The following KATNIP variants were observed in gnomAD, a reference collection of about 807,000 sequenced individuals.
KATNIP encodes katanin interacting protein.
KATNIP carries 126 observed loss-of-function variants against 174.0 expected under a neutral mutation model. The observed-to-expected ratio is 0.72, with a 90% CI of 0.63 to 0.84. The LOEUF is 0.84. Among genes scored for constraint, KATNIP ranks in the 40% least tolerant of loss-of-function variants. KATNIP has a pLI of 0.00. For synonymous variants in KATNIP, 810 were observed against 835.7 expected (o/e 0.97, Z 0.53); for missense variants, 1,958 against 2,109.7 (o/e 0.93, Z 1.41).
intron 1 of KATNIP, among the ~76,000 whole-genome samples, chr16:27,552,833 T>C (rs1459704580): frequency 6.6e-6 from 1 of 152,092 alleles, no homozygotes; most frequent in Non-Finnish European, 1.5e-5. Context: ...TAGCTGGGAT[T>C]ACAGGCATGT....
chr16:27,751,975 CCCTAA>C, intron 17 of KATNIP, 51 bp downstream of exon 17: 1 of 1,470,620 alleles, frequency 6.8e-7, no homozygotes, highest in Non-Finnish European at 9.2e-7. Context: ...AGGTTTCTTC[CCCTAA>C]CTCAGAGTAG....
At chr16:27,775,816 C>T (rs577368909) in intron 24 of KATNIP, among the ~76,000 whole-genome samples, 152 of 152,234 alleles carry the variant, frequency 1.0e-3, no homozygotes, top group Admixed American at 1.9e-3. Context: ...AGTGGGGGAT[C>T]GGGGGCACCT....
At chr16:27,627,536 T>C (rs187046584) in intron 3 of KATNIP, among the ~76,000 whole-genome samples, 27 of 152,314 alleles carry the variant, frequency 1.8e-4, no homozygotes, top group African/African-American at 6.5e-4. Flanking sequence ...GAACAAAGAC[T>C]CACAGGCACC....
intron 5 of KATNIP, among the ~76,000 whole-genome samples, chr16:27,643,555 C>T (rs947839741): frequency 3.7e-5 from 5 of 134,288 alleles, no homozygotes; most frequent in Middle Eastern, 4.3e-3. Context: ...CACCCCGCTG[C>T]ACTCCAGGCT....
intron 16 of KATNIP, among the ~76,000 whole-genome samples, chr16:27,750,613 T>A (rs534000516): frequency 0.011 from 1,629 of 149,374 alleles, 35 homozygotes; most frequent in African/African-American, 0.037. Context: ...TTTTTTTTTT[T>A]AGTAGAGACA....
In KATNIP at chr16:27,625,989, A is replaced by G. The variant is rs897636856; in HGVS notation, c.141-2672A>G. On this transcript the variant is annotated intron_variant, in intron 3 of 27. Coordinates refer to ENST00000261588, the MANE Select transcript of KATNIP (RefSeq NM_015202.5). ...CCCAGCCTCCCAAGTAGCTAGAACCACAGGTGCACGCTACCACGCCCAGTT... is the reference window on the plus strand; with the variant it reads ...CCCAGCCTCCCAAGTAGCTAGAACCGCAGGTGCACGCTACCACGCCCAGTT... Among the ~76,000 whole-genome samples the G allele has an allele frequency of 3.3e-5, 5 of 152,006 alleles. No homozygotes were observed. In the East Asian group the frequency reaches 9.7e-4, roughly 29 times the overall value.
chr16:27,745,020 C>T (rs1254964772), intron 15 of KATNIP, among the ~76,000 whole-genome samples: 7 of 152,130 alleles, frequency 4.6e-5, no homozygotes, highest in Non-Finnish European at 7.4e-5. Context: ...AGGATCCGAT[C>T]TCTTTAAAAA....
chr16:27,672,040 G>A (rs2077929740), intron 6 of KATNIP, among the ~76,000 whole-genome samples: 1 of 152,074 alleles, frequency 6.6e-6, no homozygotes, highest in Admixed American at 6.6e-5. Flanking sequence ...TGGGCAACAA[G>A]AGCAAAAATC....
intron 1 of KATNIP, among the ~76,000 whole-genome samples, chr16:27,558,784 G>T (rs370018716): frequency 3.3e-5 from 5 of 152,186 alleles, no homozygotes; most frequent in African/African-American, 1.2e-4. Context: ...GACTGTTGCC[G>T]TGGCAGATCT....
chr16:27,565,190 G>T (rs924467118), intron 1 of KATNIP, among the ~76,000 whole-genome samples: 2 of 151,568 alleles, frequency 1.3e-5, no homozygotes. Context: ...AGGAGTCCAG[G>T]CGCGGTGGCT....
intron 10 of KATNIP, 31 bp downstream of exon 10, chr16:27,699,630 C>A (rs1233633587): frequency 6.2e-7 from 1 of 1,613,418 alleles, no homozygotes. Flanking sequence ...AATGACAAAG[C>A]CCCACGCATG....
chr16:27,775,023 A>G lies in KATNIP; in HGVS notation c.4388A>G (p.Asp1463Gly). 6.2e-7 allele frequency: 1 copy of G among 1,613,612 alleles called. No individual in the cohort carries two copies. The highest frequency in any genetic ancestry group is 8.5e-7 in the Non-Finnish European group (1 of 1,179,874). ...GTCCGCACCCCAGACAAGCTCATCG[A>G]CCAAGTGAACGACACCAGTGATGGC... Reference protein sequence around the residue: ...GDVRTPDKLIDQVNDTSDGRH... With the variant: ...GDVRTPDKLIGQVNDTSDGRH... The change falls in exon 24 of 28, where the codon GAC (aspartate) becomes GGC (glycine). Residue 1463 changes from aspartate to glycine, a missense_variant. Asp to Gly is a moderately conservative substitution (Grantham distance 94). This residue lies in a region of KATNIP where 383 missense variants were observed against 456.0 expected (regional missense o/e 0.84). Transcript: ENST00000261588.
At chr16:27,638,466 ATCTT>A (rs984254710) in intron 5 of KATNIP, among the ~76,000 whole-genome samples, 7 of 152,134 alleles carry the variant, frequency 4.6e-5, no homozygotes, top group African/African-American at 1.7e-4. Flanking sequence ...GAGGAAGACA[ATCTT>A]TCTATCCTAA....
At chr16:27,743,071 C>T (rs1230854228) in intron 15 of KATNIP, among the ~76,000 whole-genome samples, 4 of 152,148 alleles carry the variant, frequency 2.6e-5, no homozygotes, top group Non-Finnish European at 2.9e-5. Flanking sequence ...CATGTGTTCT[C>T]GTAGTTCAGC....
Position 27,574,589 on chromosome 16 carries a change from G to T in KATNIP, c.63+633G>T, listed in dbSNP as rs183706414. Among the ~76,000 whole-genome samples, 37 of 112,998 alleles carry T rather than the reference G, an allele frequency of 3.3e-4. No individual in the cohort carries two copies. The East Asian group carries it at 0.01, about 31-fold the overall frequency. 74.1% of individuals were successfully genotyped at this position (112,998 alleles called of 152,430 possible). ...TTTTTTTTTTTTTTTTTTTTGAGTC[G>T]AGTCACTCTCTGTTGCCCAGGCTGG... On this transcript the variant is annotated intron_variant, in intron 2 of 27. Transcript: ENST00000261588.
intron 14 of KATNIP, among the ~76,000 whole-genome samples, chr16:27,722,828 A>G (rs1049875647): frequency 4.6e-5 from 7 of 152,346 alleles, no homozygotes; most frequent in African/African-American, 1.4e-4. Context: ...AGTGAGCTGG[A>G]TATCTGAGTT....
chr16:27,657,341 T>C (rs994067522), intron 6 of KATNIP, among the ~76,000 whole-genome samples: 1 of 152,234 alleles, frequency 6.6e-6, no homozygotes, highest in Non-Finnish European at 1.5e-5. Context: ...ATACGTTTTC[T>C]GTAGGTTTTA....
intron 15 of KATNIP, among the ~76,000 whole-genome samples, chr16:27,745,048 A>G (rs932273053): frequency 1.3e-5 from 2 of 152,278 alleles, no homozygotes; most frequent in Admixed American, 1.3e-4. Flanking sequence ...CAAGAGAGAA[A>G]GAGCAAGCCT....
intron 8 of KATNIP, among the ~76,000 whole-genome samples, chr16:27,683,535 C>T (rs2078421017): frequency 6.6e-6 from 1 of 152,128 alleles, no homozygotes; most frequent in Non-Finnish European, 1.5e-5. Context: ...GTCAAGGTTC[C>T]TGCAGCCAAT....
Sources: allele counts gnomAD v4.1 joint callset (sites outside exome capture counted in the v4.1 genomes callset), GRCh38; gene constraint gnomAD v4.1.1; regional missense constraint gnomAD v4.1.1; transcripts MANE v1.5; gene names NCBI Gene and HGNC (gene_info 2026-07-23, HGNC 2026-07-21).